Variants in ACSL1 observed in about 807,000 individuals in gnomAD.
The protein encoded by ACSL1 is long-chain-fatty-acid--CoA ligase 1.
In ACSL1, 41 loss-of-function variants were observed where a neutral mutation model predicts 98.4. The ratio of observed to expected loss-of-function variants is 0.42; its 90% CI spans 0.32 to 0.54. The LOEUF is 0.54. ACSL1 is among the 20% of genes least tolerant of loss of function. The pLI is 0.13. For missense variants in ACSL1, 734 were observed against 883.1 expected (o/e 0.83, Z 2.14); for synonymous variants, 316 against 322.7 (o/e 0.98, Z 0.22).
chr4:184,783,387 G>A (rs1465893568), intron 4 of ACSL1, among the ~76,000 whole-genome samples: 2 of 152,164 alleles, frequency 1.3e-5, no homozygotes, highest in Admixed American at 6.5e-5. Context: ...GGGGGTAAGT[G>A]TCACACAGGT....
chr4:184,788,193 G>A (rs941945342), intron 3 of ACSL1, among the ~76,000 whole-genome samples: 2 of 152,168 alleles, frequency 1.3e-5, no homozygotes, highest in South Asian at 2.1e-4. Flanking sequence ...GTAATCCCAT[G>A]AGCCAACATT....
At chr4:184,780,245 C>A in intron 5 of ACSL1, 87 bp downstream of exon 5, 2 of 1,113,540 alleles carry the variant, frequency 1.8e-6, no homozygotes, top group Non-Finnish European at 2.6e-6. Flanking sequence ...AGAAATCAGA[C>A]TACAAAATCT....
Position 184,766,898 on chromosome 4 carries a change from G to T in ACSL1, c.1129-142C>A, listed in dbSNP as rs111637095. The T allele has an allele frequency of 1.1e-3, 1,004 of 908,402 alleles. 8 individuals are homozygous for T. The African/African-American group carries it at 0.015, about 14-fold the overall frequency. The allele number at this position is 908,402 out of a possible 1,614,324, so 56.3% of individuals were successfully genotyped here. ...CTGACAGCCTGGCCGGTCCTCTAAC[G>T]GCCCCACATGGTCAGCACAGGACAG... On this transcript the variant is annotated intron_variant, in intron 12 of 20. Transcript: ENST00000281455. This position sits in a 1 kb window ranked among gnomAD's most constrained non-coding sequence, Gnocchi z 4.8.
At chr4:184,811,372 A>T (rs528749911) in intron 1 of ACSL1, among the ~76,000 whole-genome samples, 1 of 152,032 alleles carries the variant, frequency 6.6e-6, no homozygotes, top group Non-Finnish European at 1.5e-5. Context: ...TTGGCCTCCC[A>T]AAGTGCTGGG....
At chr4:184,764,723 T>C in intron 15 of ACSL1, 130 bp downstream of exon 15, 1 of 806,068 alleles carries the variant, frequency 1.2e-6, no homozygotes, top group Non-Finnish European at 1.9e-6. Context: ...CCCCAGAGCC[T>C]AATGATCAGA....
chr4:184,825,656 G>A lies in ACSL1; in HGVS notation c.-33+260C>T, dbSNP rs1773421815. On this transcript the variant is annotated intron_variant, in intron 1 of 20. Transcript: ENST00000281455. This position sits in a 1 kb window ranked among gnomAD's most constrained non-coding sequence, Gnocchi z 4.7. ...ATCCCCGGCCGCGCACCAGCCCCGC[G>A]CCCGCGCCGCCCGCGACTCAGACAC... Among the ~76,000 whole-genome samples the A allele has an allele frequency of 1.3e-5, 2 of 149,854 alleles. No individual in the cohort carries two copies. Among genetic ancestry groups the A allele is most frequent in the Admixed American group, 6.6e-5 (1 of 15,094 alleles).
chr4:184,787,189 T>C (rs1430258041), intron 3 of ACSL1, among the ~76,000 whole-genome samples: 2 of 152,114 alleles, frequency 1.3e-5, no homozygotes, highest in East Asian at 3.9e-4. Flanking sequence ...TAAGCAAAAA[T>C]GAAGTGGCTA....
At chr4:184,777,020 A>G (rs557973918) in intron 5 of ACSL1, 37 bp from the exon 6 acceptor site, 1 of 1,548,122 alleles carries the variant, frequency 6.5e-7, no homozygotes, top group South Asian at 1.1e-5. Context: ...AGAAAACAGG[A>G]TGTCATCATG....
chr4:184,821,173 C>G, intron 1 of ACSL1: 1 of 452,318 alleles, frequency 2.2e-6, no homozygotes, highest in South Asian at 1.6e-5. Flanking sequence ...CTGGCCGTGT[C>G]CAGGCTGTGG....
chr4:184,805,482 C>T, intron 1 of ACSL1: 2 of 985,452 alleles, frequency 2.0e-6, no homozygotes, highest in Non-Finnish European at 2.4e-6. Flanking sequence ...TTCTTCAGGC[C>T]ATGGTTCTGG....
intron 4 of ACSL1, among the ~76,000 whole-genome samples, chr4:184,783,333 C>G (rs560925410): frequency 1.3e-5 from 2 of 152,220 alleles, no homozygotes; most frequent in African/African-American, 4.8e-5. Flanking sequence ...TACAGTAACA[C>G]AAGTGCCTTC....
chr4:184,811,658 G>A (rs1202245979), intron 1 of ACSL1, among the ~76,000 whole-genome samples: 1 of 152,034 alleles, frequency 6.6e-6, no homozygotes, highest in Admixed American at 6.6e-5. Context: ...GCAGGGGGAG[G>A]AGGAATGAGC....
In ACSL1 at chr4:184,760,492, G is replaced by C; in HGVS notation, c.1647C>G (p.Thr549=). ...GCTTTTTCCGGTCGATAATTTTCAA[G>C]GTGCCATTCTGTTGATCAGAGGGGA... ...GDIGKWLPNG[T]LKIIDRKKHI... is the part of the protein sequence containing the mutation. The change falls in exon 18 of 21, where the codon ACC becomes ACG. Residue 549 remains threonine (T), a synonymous_variant. Coordinates refer to ENST00000281455, the MANE Select transcript of ACSL1 (RefSeq NM_001995.5). 1 of 1,614,082 alleles carries C rather than the reference G, an allele frequency of 6.2e-7. No homozygotes were observed. The highest frequency in any genetic ancestry group is 8.5e-7 in the Non-Finnish European group (1 of 1,179,996).
rs1766778723 is a variant in ACSL1 at position 184,783,994 on chromosome 4, AAAAAAAGAGAAAAAACAACAG to A, written c.311-24_311-4del. The A allele has an allele frequency of 6.2e-7, 1 of 1,610,026 alleles. No individual in the cohort carries two copies. Among genetic ancestry groups the A allele is most frequent in the African/African-American group, 1.3e-5 (1 of 74,692 alleles). On this transcript the variant is annotated splice_region_variant and splice_polypyrimidine_tract_variant and intron_variant, in intron 3 of 20. Transcript: ENST00000281455. The stretch of plus-strand genomic sequence containing the variant: ...AGAGCCTAAACAAGGGCCATTATCT[AAAAAAAGAGAAAAAACAACAG>A]ATGGGCTGAACGTACATAAATATTC...
In ACSL1 at chr4:184,805,566, A is replaced by C. The variant is rs1771298936; in HGVS notation, c.-32-2020T>G. On this transcript the variant is annotated intron_variant, in intron 1 of 20. Coordinates refer to ENST00000281455, the MANE Select transcript of ACSL1 (RefSeq NM_001995.5). ...ACAGCTGACTACTAGGTGACACCCC[A>C]CTGCAGACACAGAAGAGGGCAATGA... 1.6e-5 allele frequency: 15 copies of C among 967,024 alleles called. No individual in the cohort carries two copies. In the Admixed American group the frequency reaches 8.0e-4, roughly 52 times the overall value. The allele number at this position is 967,024 out of a possible 1,614,324, so 59.9% of individuals were successfully genotyped here. A position where few individuals can be genotyped will look rare whatever the true frequency, so the allele number is the denominator to read the frequency against.
At chr4:184,775,635 G>A (rs868090634) in intron 7 of ACSL1, among the ~76,000 whole-genome samples, 26 of 152,130 alleles carry the variant, frequency 1.7e-4, no homozygotes, top group African/African-American at 5.3e-4. Flanking sequence ...TAGAACACCC[G>A]CGCTTCCCTG....
At chr4:184,765,389 C>T (rs1230317445) in intron 14 of ACSL1, among the ~76,000 whole-genome samples, 1 of 152,188 alleles carries the variant, frequency 6.6e-6, no homozygotes, top group Non-Finnish European at 1.5e-5. Context: ...ATGGCAGACA[C>T]ACACATTCCC....
At chr4:184,760,598 A>G (rs1762724935) in intron 17 of ACSL1, 98 bp from the exon 18 acceptor site, 1 of 1,477,590 alleles carries the variant, frequency 6.8e-7, no homozygotes. Flanking sequence ...AATACACACT[A>G]TTGATTAATT....
At chr4:184,758,046 A>G (rs770821569) in intron 18 of ACSL1, 126 bp from the exon 19 acceptor site, 172 of 861,916 alleles carry the variant, frequency 2.0e-4, no homozygotes, top group Non-Finnish European at 2.8e-4. Flanking sequence ...TCTATTCAGA[A>G]CATACTACCC....
Sources: allele counts gnomAD v4.1 joint callset (sites outside exome capture counted in the v4.1 genomes callset), GRCh38; gene constraint gnomAD v4.1.1; non-coding constraint Gnocchi (gnomAD v3.1); transcripts MANE v1.5; gene names NCBI Gene and HGNC (gene_info 2026-07-23, HGNC 2026-07-21).